The following HERPUD2 variants were observed in gnomAD, a reference collection of about 807,000 sequenced individuals.
HERPUD2 encodes the protein HERPUD family member 2, also known as homocysteine-responsive endoplasmic reticulum-resident ubiquitin-like domain member 2 protein.
In HERPUD2, 13 loss-of-function variants were observed where a neutral mutation model predicts 49.9. The observed-to-expected ratio is 0.26, with a 90% CI of 0.17 to 0.41. HERPUD2 has a LOEUF of 0.41. HERPUD2 is among the 10% of genes least tolerant of loss of function. The pLI is 1.00. For missense variants in HERPUD2, 449 were observed against 492.2 expected (o/e 0.91, Z 0.83); for synonymous variants, 172 against 171.4 (o/e 1.00, Z -0.03).
intron 2 of HERPUD2, among the ~76,000 whole-genome samples, chr7:35,677,031 C>T (rs2115996506): frequency 6.6e-6 from 1 of 152,224 alleles, no homozygotes; most frequent in Admixed American, 6.5e-5. Context: ...TTAGAGATTT[C>T]TCTATTTTTT....
chr7:35,685,651 C>T (rs1422170935), intron 2 of HERPUD2, among the ~76,000 whole-genome samples: 1 of 151,822 alleles, frequency 6.6e-6, no homozygotes, highest in Non-Finnish European at 1.5e-5. Flanking sequence ...CATTAAAAAA[C>T]TGCCTCTTCA....
intron 5 of HERPUD2, among the ~76,000 whole-genome samples, chr7:35,653,867 G>T (rs191849281): frequency 6.6e-6 from 1 of 152,130 alleles, no homozygotes; most frequent in Admixed American, 6.5e-5. Context: ...GTGTGTAGTG[G>T]TATGTGCCTG....
chr7:35,680,000 T>C (rs573532802), intron 2 of HERPUD2, among the ~76,000 whole-genome samples: 1 of 152,328 alleles, frequency 6.6e-6, no homozygotes, highest in East Asian at 1.9e-4. Flanking sequence ...TCTTTCTACC[T>C]ACACTGCCAT....
At chr7:35,647,454 T>A (rs10255435) in intron 5 of HERPUD2, among the ~76,000 whole-genome samples, 3,296 of 152,248 alleles carry the variant, frequency 0.022, 121 homozygotes, top group African/African-American at 0.074. Flanking sequence ...CTCTCCTGAG[T>A]GCCTAGTACA....
chr7:35,668,354 C>A (rs531442491), intron 4 of HERPUD2, among the ~76,000 whole-genome samples: 3 of 152,098 alleles, frequency 2.0e-5, no homozygotes, highest in African/African-American at 7.2e-5. Flanking sequence ...CTCATGGATT[C>A]AGTAACCATA....
intron 5 of HERPUD2, among the ~76,000 whole-genome samples, chr7:35,661,580 G>C (rs1392585581): frequency 6.6e-6 from 1 of 152,132 alleles, no homozygotes; most frequent in East Asian, 1.9e-4. Flanking sequence ...TCCTTGAAGA[G>C]GTCGTTCACA....
chr7:35,654,673 CT>C (rs539830449), intron 5 of HERPUD2, among the ~76,000 whole-genome samples: 35,284 of 129,876 alleles, frequency 0.27, 5,143 homozygotes, highest in Non-Finnish European at 0.34. Flanking sequence ...TTGACCAAAA[CT>C]TTTTTTTTTT....
At chr7:35,682,276 TAC>T (rs1309971867) in intron 2 of HERPUD2, among the ~76,000 whole-genome samples, 1 of 41,810 alleles carries the variant, frequency 2.4e-5, no homozygotes, top group Non-Finnish European at 4.8e-5. Flanking sequence ...TATAGATATA[TAC>T]ACATACACAC....
intron 5 of HERPUD2, among the ~76,000 whole-genome samples, chr7:35,655,076 CT>C (rs1484948812): frequency 3.3e-5 from 5 of 152,120 alleles, no homozygotes; most frequent in Non-Finnish European, 5.9e-5. Context: ...GGTCTCAAAA[CT>C]TCTGGCCTCA....
At chr7:35,671,646 G>GA (rs1177163244) in intron 3 of HERPUD2, among the ~76,000 whole-genome samples, 5 of 151,734 alleles carry the variant, frequency 3.3e-5, no homozygotes, top group African/African-American at 1.2e-4. Flanking sequence ...GTATTTAACT[G>GA]AAAAAAGTAA....
intron 5 of HERPUD2, among the ~76,000 whole-genome samples, chr7:35,649,496 C>T (rs1027207062): frequency 6.6e-6 from 1 of 152,244 alleles, no homozygotes; most frequent in Admixed American, 6.5e-5. Flanking sequence ...TGGTCTGTGA[C>T]ACAGCCCTCA....
chr7:35,633,894 G>T, intron 8 of HERPUD2, 43 bp from the exon 9 acceptor site: 2 of 1,568,878 alleles, frequency 1.3e-6, no homozygotes, highest in South Asian at 2.3e-5. Flanking sequence ...TGATATGAAC[G>T]AGCATTAGCT....
intron 5 of HERPUD2, among the ~76,000 whole-genome samples, chr7:35,639,025 TTTTA>T (rs553468159): frequency 1.2e-3 from 181 of 152,030 alleles, no homozygotes; most frequent in African/African-American, 4.3e-3. Flanking sequence ...TAGGTTAAAA[TTTTA>T]TTTCTTTTTT....
chr7:35,645,216 A>G (rs1420157245), intron 5 of HERPUD2, among the ~76,000 whole-genome samples: 1 of 152,180 alleles, frequency 6.6e-6, no homozygotes, highest in Non-Finnish European at 1.5e-5. Context: ...AAAAATACTG[A>G]CTGTTTAACC....
intron 2 of HERPUD2, among the ~76,000 whole-genome samples, chr7:35,685,164 C>T (rs1416449435): frequency 6.6e-6 from 1 of 151,452 alleles, no homozygotes; most frequent in East Asian, 1.9e-4. Context: ...TCACTTTAGC[C>T]CAAGAGGCAG....
At chr7:35,680,255 T>A (rs1423076270) in intron 2 of HERPUD2, among the ~76,000 whole-genome samples, 2 of 151,818 alleles carry the variant, frequency 1.3e-5, no homozygotes, top group Admixed American at 6.6e-5. Context: ...AAATTTTTTT[T>A]AAATGTAGCC....
At chr7:35,674,400 TATATAGAGAG>T (rs1247996572) in intron 2 of HERPUD2, among the ~76,000 whole-genome samples, 1 of 60,188 alleles carries the variant, frequency 1.7e-5, no homozygotes, top group African/African-American at 7.3e-5. Flanking sequence ...TATATATATA[TATATAGAGAG>T]AGAGAGAGAG....
Position 35,638,455 on chromosome 7 carries a change from A to G in HERPUD2, c.512T>C (p.Phe171Ser), listed in dbSNP as rs746127809. 8 of 1,613,144 alleles carry G rather than the reference A, an allele frequency of 5.0e-6. No homozygotes were observed. The East Asian group carries it at 1.8e-4, about 36-fold the overall frequency. Reference sequence around the variant, plus strand: ...TCCAGGTGGAGCAGCTTGCCCAGGAAATTGGTTGTCTACATTTCTGCAAGA... The same window carrying G: ...TCCAGGTGGAGCAGCTTGCCCAGGAGATTGGTTGTCTACATTTCTGCAAGA... ...YVMQGNVDNQ[F>S]PGQAAPPGFP... is the part of the protein sequence containing the mutation. The change falls in exon 6 of 9, where the codon TTT (phenylalanine) becomes TCT (serine). Residue 171 changes from phenylalanine to serine, a missense_variant. Transcript: ENST00000311350.
intron 5 of HERPUD2, among the ~76,000 whole-genome samples, chr7:35,641,525 A>G (rs1051666531): frequency 1.3e-5 from 2 of 152,234 alleles, no homozygotes; most frequent in Admixed American, 6.5e-5. Flanking sequence ...AGGCAATCCC[A>G]GGCAAAAGGA....
Sources: allele counts gnomAD v4.1 joint callset (sites outside exome capture counted in the v4.1 genomes callset), GRCh38; gene constraint gnomAD v4.1.1; transcripts MANE v1.5; gene names NCBI Gene and HGNC (gene_info 2026-07-23, HGNC 2026-07-21).